HTR4: variants seen among roughly 807,000 people sequenced by gnomAD.
HTR4 encodes the protein 5-hydroxytryptamine receptor 4.
In HTR4, 16 loss-of-function variants were observed where a neutral mutation model predicts 36.8. That is an observed-to-expected ratio of 0.43 (90% CI 0.29 to 0.66). The LOEUF (loss-of-function observed/expected upper bound fraction) is 0.66. Among genes scored for constraint, HTR4 ranks in the 30% least tolerant of loss-of-function variants. The pLI is 0.13. For synonymous variants in HTR4, 189 were observed against 185.1 expected, an observed-to-expected ratio of 1.02 and a Z score of -0.17; for missense variants, 438 against 490.9, an observed-to-expected ratio of 0.89 and a Z score of 1.02.
intron 1 of HTR4, among the ~76,000 whole-genome samples, chr5:148,638,049 C>T (rs1753608275): frequency 6.6e-6 from 1 of 151,518 alleles, no homozygotes; most frequent in Non-Finnish European, 1.5e-5. Flanking sequence ...AATCTGTTAT[C>T]TACATAAAAG....
chr5:148,541,013 C>A (rs1456527402), intron 4 of HTR4, among the ~76,000 whole-genome samples: 2 of 152,178 alleles, frequency 1.3e-5, no homozygotes, highest in East Asian at 3.9e-4. Context: ...AAGTACCATG[C>A]ACTGGTCTAT....
At chr5:148,484,126 T>C in intron 6 of HTR4, 2 of 893,656 alleles carry the variant, frequency 2.2e-6, no homozygotes. Flanking sequence ...AACTAGACCT[T>C]AAGTTTTTTG....
At chr5:148,494,689 A>G (rs1248956718) in intron 6 of HTR4, among the ~76,000 whole-genome samples, 1 of 152,248 alleles carries the variant, frequency 6.6e-6, no homozygotes. Flanking sequence ...GAAGGCACAT[A>G]TAGCTCTGGA....
chr5:148,532,846 G>T (rs970101093), intron 4 of HTR4, among the ~76,000 whole-genome samples: 2 of 152,182 alleles, frequency 1.3e-5, no homozygotes, highest in Non-Finnish European at 2.9e-5. Context: ...TAAAGGATTT[G>T]TTGAAACACA....
chr5:148,641,091 A>G (rs1029195362), intron 1 of HTR4, among the ~76,000 whole-genome samples: 15 of 152,224 alleles, frequency 9.9e-5, no homozygotes, highest in African/African-American at 3.6e-4. Flanking sequence ...AATCAGAGCC[A>G]TGATTATAGG....
At position 148,458,030 on chromosome 5, in the gene HTR4, AT is replaced by A. The variant is rs1224080199; in HGVS notation, c.1077-6759del. Among the ~76,000 whole-genome samples the A allele has an allele frequency of 3.6e-3, 504 of 138,348 alleles. 5 individuals carry two copies. The highest frequency in any genetic ancestry group is 0.013 in the African/African-American group (482 of 38,052). 90.8% of individuals were successfully genotyped at this position (138,348 alleles called of 152,430 possible). A position where few individuals can be genotyped will look rare whatever the true frequency, so the allele number is the denominator to read the frequency against. On this transcript the variant is annotated intron_variant, in intron 5 of 5. Transcript: ENST00000521530. ...TATATTAAATATTAAATTAAGATAT[AT>A]TTAATATATATTAAAATATATTATA...
Position 148,457,694 on chromosome 5 carries a change from A to G in HTR4, c.1077-6422T>C, listed in dbSNP as rs559037697. Among the ~76,000 whole-genome samples the G allele has an allele frequency of 8.5e-3, 1,231 of 145,372 alleles. 13 individuals are homozygous for G. The highest frequency in any genetic ancestry group is 0.014 in the African/African-American group (541 of 40,040). On this transcript the variant is annotated intron_variant, in intron 5 of 5. Coordinates refer to the HTR4 transcript ENST00000521530. ...TAATATATCATTAAAATATATTTTGATATATCATTAAAATATATTTTGATA... is the reference window on the plus strand; with the variant it reads ...TAATATATCATTAAAATATATTTTGGTATATCATTAAAATATATTTTGATA...
At chr5:148,505,851 C>G (rs1047539740) in intron 6 of HTR4, among the ~76,000 whole-genome samples, 4 of 152,116 alleles carry the variant, frequency 2.6e-5, no homozygotes, top group African/African-American at 9.7e-5. Context: ...GAACTACAAA[C>G]CACTGCTCAA....
chr5:148,507,332 T>C (rs548554465), intron 6 of HTR4, among the ~76,000 whole-genome samples: 2 of 131,590 alleles, frequency 1.5e-5, no homozygotes, highest in Non-Finnish European at 3.1e-5. Context: ...AATAAGAACA[T>C]TTGGACACAG....
At chr5:148,537,262 C>G (rs1758871197) in intron 4 of HTR4, among the ~76,000 whole-genome samples, 2 of 151,918 alleles carry the variant, frequency 1.3e-5, no homozygotes, top group East Asian at 3.9e-4. Context: ...ATTCATAGCA[C>G]TAAATGCTCA....
downstream of HTR4, chr5:148,476,748 G>T (rs1344620935): frequency 9.3e-6 from 15 of 1,613,126 alleles, no homozygotes; most frequent in Non-Finnish European, 1.3e-5. Flanking sequence ...CTCAAAATCT[G>T]GTAGGAGAGA....
At chr5:148,629,011 C>T (rs1753221286) in intron 2 of HTR4, 2 of 151,908 alleles carry the variant, frequency 1.3e-5, no homozygotes, top group Admixed American at 1.3e-4. Flanking sequence ...TTTAATTAGG[C>T]AATATCTCTA....
chr5:148,468,171 G>C (rs959659599), intron 5 of HTR4, among the ~76,000 whole-genome samples: 2 of 152,196 alleles, frequency 1.3e-5, no homozygotes, highest in South Asian at 2.1e-4. Flanking sequence ...GGATTGGTTG[G>C]TGGTTAGCCA....
At chr5:148,600,307 A>C (rs1170050705) in intron 2 of HTR4, among the ~76,000 whole-genome samples, 2 of 147,470 alleles carry the variant, frequency 1.4e-5, no homozygotes, top group Non-Finnish European at 3.0e-5. Flanking sequence ...CATATATATT[A>C]TATTATATAT....
chr5:148,624,079 A>G (rs542224435), intron 2 of HTR4, among the ~76,000 whole-genome samples: 70 of 152,342 alleles, frequency 4.6e-4, no homozygotes, highest in Non-Finnish European at 7.6e-4. Context: ...TGGAACAAAG[A>G]AAGTCTTAGG....
Position 148,482,787 on chromosome 5 carries a change from T to A in HTR4, c.*416A>T. On this transcript the variant is annotated 3_prime_UTR_variant, in exon 7 of 7. Transcript: ENST00000377888. Reference sequence around the variant, plus strand: ...GGCTAAGACAGGAACAGAGAGGGAGTATTTTGTTGATATCTGGAAGCCCAC... The same window carrying A: ...GGCTAAGACAGGAACAGAGAGGGAGAATTTTGTTGATATCTGGAAGCCCAC... The A allele has an allele frequency of 2.0e-6, 2 of 1,021,570 alleles. No homozygotes were observed. Among genetic ancestry groups the A allele is most frequent in the Non-Finnish European group, 1.2e-6 (1 of 851,234 alleles). The allele number at this position is 1,021,570 out of a possible 1,614,324, so 63.3% of individuals were successfully genotyped here.
At chr5:148,603,788 G>T (rs13159629) in intron 2 of HTR4, among the ~76,000 whole-genome samples, 40,133 of 151,832 alleles carry the variant, frequency 0.26, 6,327 homozygotes, top group Non-Finnish European at 0.35. Flanking sequence ...AGTAACACAT[G>T]AAATGTCCTA....
intron 2 of HTR4, among the ~76,000 whole-genome samples, chr5:148,576,145 T>TA (rs985718103): frequency 2.3e-5 from 2 of 88,102 alleles, no homozygotes; most frequent in Non-Finnish European, 4.7e-5. Context: ...AAAATCAATG[T>TA]AAAAAATCAT....
intron 2 of HTR4, among the ~76,000 whole-genome samples, chr5:148,598,675 G>A (rs1242816395): frequency 6.6e-6 from 1 of 152,218 alleles, no homozygotes; most frequent in Admixed American, 6.5e-5. Flanking sequence ...TTGGAACACA[G>A]TAGGTACTAA....
Sources: gnomAD v4.1 joint callset for allele counts (sites outside exome capture counted in the v4.1 genomes callset) on GRCh38, gnomAD v4.1.1 for gene constraint, MANE v1.5 for transcripts, NCBI Gene and HGNC (gene_info 2026-07-23, HGNC 2026-07-21) for gene names.